Variants in KIF26B observed in about 807,000 individuals in gnomAD.
KIF26B encodes kinesin family member 26B.
In KIF26B, 63 loss-of-function variants were observed where a neutral mutation model predicts 151.2. That is an observed-to-expected ratio of 0.42 (90% CI 0.34 to 0.51). The LOEUF (loss-of-function observed/expected upper bound fraction) is 0.51. KIF26B is among the 20% of genes least tolerant of loss of function. The probability of loss-of-function intolerance (pLI) is 0.07; values close to 1 mark genes in which losing one functional copy is unlikely to be tolerated. For missense variants in KIF26B, 2,813 were observed against 2,913.6 expected (o/e 0.97, Z 0.79); for synonymous variants, 1,357 against 1,262.1 (o/e 1.08, Z -1.59).
At chr1:245,487,857 C>T (rs764532458) in intron 4 of KIF26B, among the ~76,000 whole-genome samples, 3 of 150,948 alleles carry the variant, frequency 2.0e-5, no homozygotes, top group Non-Finnish European at 2.9e-5. Context: ...GGCGCGATAT[C>T]GGCTCACTGC....
chr1:245,308,889 C>T (rs1467878255), intron 2 of KIF26B, among the ~76,000 whole-genome samples: 3 of 152,294 alleles, frequency 2.0e-5, no homozygotes, highest in East Asian at 1.9e-4. Context: ...GCACGAAGCT[C>T]GGGCTGGAAG....
chr1:245,371,129 C>T (rs1673110221), intron 3 of KIF26B, among the ~76,000 whole-genome samples: 1 of 152,100 alleles, frequency 6.6e-6, no homozygotes, highest in Non-Finnish European at 1.5e-5. Context: ...CAGAACAGAC[C>T]AATTCATGCA....
intron 2 of KIF26B, among the ~76,000 whole-genome samples, chr1:245,357,180 G>T (rs768627806): frequency 2.6e-5 from 4 of 152,140 alleles, no homozygotes; most frequent in African/African-American, 7.2e-5. Context: ...GAAGTGGGGC[G>T]GGGGCCAGGG....
chr1:245,673,320 C>T (rs770249961), intron 10 of KIF26B, among the ~76,000 whole-genome samples: 1,920 of 133,280 alleles, frequency 0.014, 25 homozygotes, highest in South Asian at 0.022. Context: ...CCCCGCTGCG[C>T]GCTGCCATCT....
At chr1:245,537,719 C>T (rs568393581) in intron 4 of KIF26B, among the ~76,000 whole-genome samples, 1 of 152,262 alleles carries the variant, frequency 6.6e-6, no homozygotes, top group East Asian at 1.9e-4. Context: ...TTTTCTGATA[C>T]AGGAAATGCT....
intron 2 of KIF26B, among the ~76,000 whole-genome samples, chr1:245,331,142 G>C (rs1387496550): frequency 6.6e-6 from 1 of 152,038 alleles, no homozygotes; most frequent in South Asian, 2.1e-4. Context: ...GGGCCTGGGG[G>C]TGGCAGAGCA....
rs1573677263 is a variant in KIF26B at position 245,156,619 on chromosome 1, C to A, written c.401C>A (p.Ala134Asp). 2 of 1,524,894 alleles carry A rather than the reference C, an allele frequency of 1.3e-6. No homozygotes were observed. The highest frequency in any genetic ancestry group is 2.0e-5 in the Admixed American group (1 of 50,578). The allele number at this position is 1,524,894 out of a possible 1,614,324, so 94.5% of individuals were successfully genotyped here. The change falls in exon 2 of 15, where the codon GCC becomes GAC. Residue 134 changes from alanine (A) to aspartate (D), a missense_variant. Transcript: ENST00000407071. ...GGCGTCTGGTGCGAGAACTGCAACG[C>A]CCGCCTGGTGGAGCTCAAGAGGCAG... ...DRGVWCENCN[A>D]RLVELKRQAL...
chr1:245,308,056 T>C (rs551996508), intron 2 of KIF26B, among the ~76,000 whole-genome samples: 2 of 152,326 alleles, frequency 1.3e-5, no homozygotes, highest in African/African-American at 4.8e-5. Context: ...TCTGACTCGT[T>C]TCTATTACTC....
chr1:245,580,386 G>A (rs185386481), intron 5 of KIF26B, among the ~76,000 whole-genome samples: 141 of 152,340 alleles, frequency 9.3e-4, no homozygotes, highest in African/African-American at 3.3e-3. Context: ...GGTCTGACAG[G>A]AGAAAGACAC....
Position 245,672,674 on chromosome 1 carries a change from G to C in KIF26B, c.2259-11559G>C, listed in dbSNP as rs1033749041. On this transcript the variant is annotated intron_variant, in intron 10 of 14. Coordinates refer to ENST00000407071, the MANE Select transcript of KIF26B (RefSeq NM_018012.4). ...AAACTTGCATAGTCTATTTTATTTG[G>C]ATAGAGAGCATAAAATTGGCTCTAC... is the stretch of plus-strand genomic sequence containing the variant. 3.9e-5 allele frequency among the ~76,000 whole-genome samples: 6 copies of C among 152,206 alleles called. No homozygotes were observed. The East Asian group carries it at 7.8e-4, about 20-fold the overall frequency.
intron 10 of KIF26B, among the ~76,000 whole-genome samples, chr1:245,662,889 T>C (rs2044171902): frequency 6.6e-6 from 1 of 151,930 alleles, no homozygotes; most frequent in Admixed American, 6.6e-5. Flanking sequence ...CCTTGCTTGT[T>C]TTTTTGTACA....
intron 4 of KIF26B, among the ~76,000 whole-genome samples, chr1:245,539,765 G>C (rs753919136): frequency 3.3e-5 from 5 of 152,150 alleles, no homozygotes; most frequent in Non-Finnish European, 5.9e-5. Context: ...CGATCCTCCT[G>C]CCTCAGCCTC....
chr1:245,616,496 T>C (rs1476598230), intron 9 of KIF26B, among the ~76,000 whole-genome samples: 1 of 152,220 alleles, frequency 6.6e-6, no homozygotes, highest in Non-Finnish European at 1.5e-5. Context: ...TTTTCCGATT[T>C]TGGAATATTT....
At position 245,702,479 on chromosome 1, in the gene KIF26B, AGCT is replaced by A; in HGVS notation, c.6202_6204del (p.Leu2068del). The A allele has an allele frequency of 6.2e-7, 1 of 1,613,768 alleles. No homozygotes were observed. The highest frequency in any genetic ancestry group is 8.5e-7 in the Non-Finnish European group (1 of 1,179,832). ...GCAGTTGACTTGGAGCAGGTTTGGG[AGCT>A]GGATTCCCTGGAGTACCTGGAGGCA... is the stretch of plus-strand genomic sequence containing the variant. On this transcript the variant is annotated inframe_deletion, in exon 15 of 15. Transcript: ENST00000407071. The surrounding 1 kb of genome is among the most constrained non-coding windows in gnomAD (Gnocchi z 4.1).
At chr1:245,308,314 T>A (rs941303075) in intron 2 of KIF26B, among the ~76,000 whole-genome samples, 2 of 152,060 alleles carry the variant, frequency 1.3e-5, no homozygotes, top group African/African-American at 4.8e-5. Flanking sequence ...ACATGACAAA[T>A]ATGGTGAAAT....
chr1:245,241,246 C>A lies in KIF26B; in HGVS notation c.465+84563C>A, dbSNP rs998174097. Among the ~76,000 whole-genome samples, 5 of 152,036 alleles carry A rather than the reference C, an allele frequency of 3.3e-5. No homozygotes were observed. Among genetic ancestry groups the A allele is most frequent in the Non-Finnish European group, 7.4e-5 (5 of 68,008 alleles). ...ATCTGTGAAGTGAAGGTGGAATGAC[C>A]AGGATGGCCAGAGCCAGAGGAAGAC... On this transcript the variant is annotated intron_variant, in intron 2 of 14. Coordinates refer to ENST00000407071, the MANE Select transcript of KIF26B (RefSeq NM_018012.4). The surrounding 1 kb of genome is among the most constrained non-coding windows in gnomAD (Gnocchi z 5.0).
chr1:245,437,157 G>A (rs1167093039), intron 4 of KIF26B, among the ~76,000 whole-genome samples: 1 of 152,152 alleles, frequency 6.6e-6, no homozygotes, highest in African/African-American at 2.4e-5. Flanking sequence ...AAAGTGCTGG[G>A]ATTACAGGCA....
At chr1:245,502,355 T>C (rs1310983327) in intron 4 of KIF26B, among the ~76,000 whole-genome samples, 9 of 151,976 alleles carry the variant, frequency 5.9e-5, no homozygotes, top group Non-Finnish European at 1.0e-4. Flanking sequence ...GGTGAAACCC[T>C]GTCTCTACTA....
intron 10 of KIF26B, among the ~76,000 whole-genome samples, chr1:245,656,254 A>G (rs1185016216): frequency 3.9e-5 from 6 of 152,194 alleles, no homozygotes; most frequent in East Asian, 1.9e-4. Context: ...GGGCTGAGGA[A>G]TGGCACAGAG....
Sources: gnomAD v4.1 joint callset for allele counts (sites outside exome capture counted in the v4.1 genomes callset) on GRCh38, gnomAD v4.1.1 for gene constraint, Gnocchi (gnomAD v3.1) non-coding constraint, MANE v1.5 for transcripts, NCBI Gene and HGNC (gene_info 2026-07-23, HGNC 2026-07-21) for gene names.